KIF16B: variants seen among roughly 807,000 people sequenced by gnomAD.
KIF16B encodes the protein kinesin family member 16B, also known as kinesin-like protein KIF16B.
In KIF16B, 98 loss-of-function variants were observed where a neutral mutation model predicts 156.3. The ratio of observed to expected loss-of-function variants is 0.63; its 90% CI spans 0.53 to 0.74. The LOEUF (loss-of-function observed/expected upper bound fraction) is 0.74, where lower values mean the gene tolerates loss of function less well. KIF16B is among the 30% of genes least tolerant of loss of function. The pLI is 0.00. For missense variants in KIF16B, 1,421 were observed against 1,606.5 expected, an observed-to-expected ratio of 0.88 and a Z score of 1.97; for synonymous variants, 564 against 583.7, an observed-to-expected ratio of 0.97 and a Z score of 0.49.
At chr20:16,273,470 C>T (rs951028902) in intron 25 of KIF16B, 59 bp from the exon 26 acceptor site, 15 of 1,465,146 alleles carry the variant, frequency 1.0e-5, no homozygotes, top group African/African-American at 8.3e-5. Flanking sequence ...CGGGTGGGAT[C>T]GCTTGAGCTC....
At chr20:16,518,828 TCACACA>T (rs149652340) in intron 3 of KIF16B, among the ~76,000 whole-genome samples, 16 of 151,448 alleles carry the variant, frequency 1.1e-4, no homozygotes, top group Admixed American at 1.1e-3. Flanking sequence ...TACATTCAAA[TCACACA>T]CACACACACC....
chr20:16,283,956 C>A (rs1042449623), intron 25 of KIF16B, among the ~76,000 whole-genome samples: 1 of 152,186 alleles, frequency 6.6e-6, no homozygotes, highest in African/African-American at 2.4e-5. Context: ...AGACCACCTA[C>A]ATTCAGTGGC....
chr20:16,391,184 T>G (rs2065355858), intron 17 of KIF16B, among the ~76,000 whole-genome samples: 1 of 152,088 alleles, frequency 6.6e-6, no homozygotes, highest in African/African-American at 2.4e-5. Context: ...TGGCTACTGC[T>G]CTGATTAAAT....
chr20:16,273,661 CTCAA>C (rs35085462), intron 25 of KIF16B, among the ~76,000 whole-genome samples: 29,627 of 149,244 alleles, frequency 0.2, 3,019 homozygotes, highest in East Asian at 0.35. Context: ...AAGACCCTGT[CTCAA>C]TCAATCAATC....
chr20:16,295,851 A>G (rs542372994), intron 25 of KIF16B, among the ~76,000 whole-genome samples: 1 of 152,350 alleles, frequency 6.6e-6, no homozygotes, highest in African/African-American at 2.4e-5. Context: ...TAATGATACT[A>G]TGGTACATAT....
At chr20:16,518,307 A>G (rs2069213489) in intron 3 of KIF16B, among the ~76,000 whole-genome samples, 1 of 152,122 alleles carries the variant, frequency 6.6e-6, no homozygotes, top group South Asian at 2.1e-4. Flanking sequence ...CCCACAACCA[A>G]GGTGGGAAGC....
chr20:16,475,061 T>C (rs2067771382), intron 12 of KIF16B, among the ~76,000 whole-genome samples: 1 of 152,224 alleles, frequency 6.6e-6, no homozygotes. Context: ...ACCATCATAG[T>C]TTGTCTCCAG....
chr20:16,301,315 G>C (rs1195273251), intron 25 of KIF16B, among the ~76,000 whole-genome samples: 1 of 152,200 alleles, frequency 6.6e-6, no homozygotes, highest in African/African-American at 2.4e-5. Flanking sequence ...GCAGATCTTT[G>C]AGAGGGCACG....
intron 25 of KIF16B, among the ~76,000 whole-genome samples, chr20:16,311,465 G>A (rs2063618848): frequency 6.6e-6 from 1 of 152,194 alleles, no homozygotes; most frequent in Non-Finnish European, 1.5e-5. Context: ...TCCAGCCTGG[G>A]CAACAGAGCG....
At chr20:16,336,917 C>T (rs1408173533) in intron 23 of KIF16B, among the ~76,000 whole-genome samples, 2 of 152,208 alleles carry the variant, frequency 1.3e-5, no homozygotes, top group Non-Finnish European at 2.9e-5. Flanking sequence ...CTCCTGTGGA[C>T]TCTGCAAGAG....
At chr20:16,349,252 G>A (rs372678521) in intron 23 of KIF16B, among the ~76,000 whole-genome samples, 1 of 152,182 alleles carries the variant, frequency 6.6e-6, no homozygotes, top group Non-Finnish European at 1.5e-5. Flanking sequence ...TAGAACACCC[G>A]GCCCACCTGC....
intron 17 of KIF16B, among the ~76,000 whole-genome samples, chr20:16,394,840 C>T (rs1429110882): frequency 6.6e-6 from 1 of 152,116 alleles, no homozygotes; most frequent in African/African-American, 2.4e-5. Context: ...CAGTGGGGAC[C>T]ATGACCTCAC....
intron 1 of KIF16B, among the ~76,000 whole-genome samples, chr20:16,535,376 C>A (rs1315364465): frequency 6.6e-6 from 1 of 152,120 alleles, no homozygotes; most frequent in East Asian, 1.9e-4. Context: ...TTCATCAGTT[C>A]TAAGAGTTTT....
At chr20:16,523,877 C>T (rs2069439465) in intron 3 of KIF16B, among the ~76,000 whole-genome samples, 1 of 151,574 alleles carries the variant, frequency 6.6e-6, no homozygotes, top group Admixed American at 6.6e-5. Flanking sequence ...GCAGAAATGA[C>T]ATCACCCATC....
At chr20:16,486,525 T>C (rs2068120473) in intron 12 of KIF16B, among the ~76,000 whole-genome samples, 1 of 152,120 alleles carries the variant, frequency 6.6e-6, no homozygotes, top group Non-Finnish European at 1.5e-5. Context: ...TTACAGGAAA[T>C]TTACTGAGAT....
chr20:16,467,713 A>AG lies in KIF16B; in HGVS notation c.1302+26577dup, dbSNP rs201171712. Among the ~76,000 whole-genome samples the AG allele has an allele frequency of 7.7e-3, 967 of 124,816 alleles. 5 individuals are homozygous for AG. Among genetic ancestry groups the AG allele is most frequent in the African/African-American group, 0.016 (494 of 29,958 alleles). 81.9% of individuals were successfully genotyped at this position (124,816 alleles called of 152,430 possible). ...AGAGTGAAACATTTAAAGTTTTAAT[A>AG]GGGGGGAAAAAAAAAACCCGGCCAA... On this transcript the variant is annotated intron_variant, in intron 12 of 25. Coordinates refer to ENST00000354981, the MANE Select transcript of KIF16B (RefSeq NM_024704.5).
At chr20:16,301,377 T>A (rs2063469360) in intron 25 of KIF16B, among the ~76,000 whole-genome samples, 1 of 152,170 alleles carries the variant, frequency 6.6e-6, no homozygotes, top group Non-Finnish European at 1.5e-5. Context: ...GATCATACGG[T>A]TAAGAGTATG....
intron 15 of KIF16B, among the ~76,000 whole-genome samples, chr20:16,425,426 G>A (rs1333550485): frequency 6.6e-6 from 1 of 152,120 alleles, no homozygotes; most frequent in Non-Finnish European, 1.5e-5. Flanking sequence ...AATAAGTGTA[G>A]AAATAATGAT....
rs192038112 is a variant in KIF16B, at chr20:16,351,649, C to G, written c.3621+4681G>C. On this transcript the variant is annotated intron_variant, in intron 23 of 25. Coordinates refer to ENST00000354981, the MANE Select transcript of KIF16B (RefSeq NM_024704.5). ...CCAGACTGGCACTGCTTCAGCTTTC[C>G]CCACCCCATCTCTATCTCTGCCACC... Among the ~76,000 whole-genome samples the G allele has an allele frequency of 9.2e-5, 14 of 151,706 alleles. No individual in the cohort carries two copies. In the East Asian group the frequency reaches 2.7e-3, roughly 29 times the overall value.
Sources: gnomAD v4.1 joint callset for allele counts (sites outside exome capture counted in the v4.1 genomes callset) on GRCh38, gnomAD v4.1.1 for gene constraint, MANE v1.5 for transcripts, NCBI Gene and HGNC (gene_info 2026-07-23, HGNC 2026-07-21) for gene names.